Variants in MEF2A observed in about 807,000 individuals in gnomAD.
MEF2A encodes myocyte enhancer factor 2A, also known as myocyte-specific enhancer factor 2A.
In MEF2A, 28 loss-of-function variants were observed where a neutral mutation model predicts 55.8. The observed-to-expected ratio is 0.50, with a 90% CI of 0.37 to 0.69. MEF2A has a LOEUF of 0.69. MEF2A is among the 30% of genes least tolerant of loss of function. The pLI, the probability that MEF2A is intolerant of heterozygous loss-of-function variation, is 0.00. For missense variants in MEF2A, 528 were observed against 626.2 expected (o/e 0.84, Z 1.67); for synonymous variants, 239 against 227.1 (o/e 1.05, Z -0.47).
At chr15:99,603,326 G>C (rs901058972) in intron 2 of MEF2A, among the ~76,000 whole-genome samples, 13 of 150,712 alleles carry the variant, frequency 8.6e-5, no homozygotes, top group African/African-American at 2.7e-4. Context: ...TTGTCAACTT[G>C]TGGAGATTTA....
intron 2 of MEF2A, among the ~76,000 whole-genome samples, chr15:99,603,621 G>A (rs1288575075): frequency 3.3e-5 from 5 of 149,434 alleles, no homozygotes; most frequent in African/African-American, 7.3e-5. Flanking sequence ...GGCTGGTCTC[G>A]AACTGCTGAC....
intron 4 of MEF2A, chr15:99,657,447 A>G (rs1272360964): frequency 6.6e-6 from 1 of 152,114 alleles, no homozygotes; most frequent in Non-Finnish European, 1.5e-5. Flanking sequence ...GAAGACATCT[A>G]AAAACTAGAT....
chr15:99,621,698 C>G (rs530555819), intron 2 of MEF2A, among the ~76,000 whole-genome samples: 1 of 152,272 alleles, frequency 6.6e-6, no homozygotes, highest in South Asian at 2.1e-4. Flanking sequence ...ATGACCATCT[C>G]AAGTTTCGTA....
intron 8 of MEF2A, 102 bp downstream of exon 8, chr15:99,690,530 C>A: frequency 1.1e-6 from 1 of 941,666 alleles, no homozygotes; most frequent in Non-Finnish European, 1.7e-6. Flanking sequence ...GTAGAATCTA[C>A]ACCTATTCCT....
intron 4 of MEF2A, among the ~76,000 whole-genome samples, chr15:99,664,544 A>T (rs2049242019): frequency 6.6e-6 from 1 of 152,216 alleles, no homozygotes; most frequent in South Asian, 2.1e-4. Context: ...GAACAGATAG[A>T]ATGGAGAGAG....
chr15:99,672,859 A>G (rs1178306560), intron 5 of MEF2A, among the ~76,000 whole-genome samples: 1 of 152,198 alleles, frequency 6.6e-6, no homozygotes, highest in Non-Finnish European at 1.5e-5. Context: ...AGGTTTGTGT[A>G]CATGGAACCA....
At chr15:99,623,347 A>G (rs948099090) in intron 2 of MEF2A, among the ~76,000 whole-genome samples, 1 of 152,184 alleles carries the variant, frequency 6.6e-6, no homozygotes, top group African/African-American at 2.4e-5. Flanking sequence ...ACTATTGTGA[A>G]TAATGCTTCT....
chr15:99,597,531 G>A (rs911441517), intron 1 of MEF2A, among the ~76,000 whole-genome samples: 9 of 152,176 alleles, frequency 5.9e-5, no homozygotes, highest in Non-Finnish European at 1.2e-4. Flanking sequence ...CTGTGATCTC[G>A]TGATCTCGCC....
At chr15:99,652,865 G>C (rs377661722) in intron 4 of MEF2A, among the ~76,000 whole-genome samples, 1 of 152,120 alleles carries the variant, frequency 6.6e-6, no homozygotes, top group Non-Finnish European at 1.5e-5. Context: ...GATGTTTGTC[G>C]TACTATGTAC....
chr15:99,700,726 G>A (rs749279249), intron 8 of MEF2A, among the ~76,000 whole-genome samples: 2 of 152,142 alleles, frequency 1.3e-5, no homozygotes, highest in African/African-American at 2.4e-5. Flanking sequence ...GCAGGGAAAC[G>A]GGATGAGCCG....
intron 4 of MEF2A, among the ~76,000 whole-genome samples, chr15:99,668,780 TTGA>T (rs2050298634): frequency 6.6e-6 from 1 of 152,198 alleles, no homozygotes; most frequent in African/African-American, 2.4e-5. Context: ...GGCATTCCAC[TTGA>T]TAATACCAGT....
chr15:99,645,687 G>C lies in MEF2A; in HGVS notation c.181G>C (p.Asp61His), dbSNP rs1193702038. 6 of 1,613,398 alleles carry C rather than the reference G, an allele frequency of 3.7e-6. No individual in the cohort carries two copies. Among genetic ancestry groups the C allele is most frequent in the African/African-American group, 2.7e-5 (2 of 74,894 alleles). The stretch of plus-strand genomic sequence containing the variant: ...CAAACTGTTTCAATATGCTAGCACT[G>C]ATATGGACAAAGTTCTTCTCAAGTA... ...SNKLFQYAST[D>H]MDKVLLKYTE... is the part of the protein sequence containing the mutation. Residue 61 changes from aspartate (D) to histidine (H), a missense_variant, in exon 4 of 12, where the codon GAT becomes CAT. By Grantham distance (81) the Asp-to-His change is moderately conservative (BLOSUM62 -1). Around this residue, in one of 2 missense-constraint regions of MEF2A, gnomAD observed 78 missense variants for 150.9 expected, o/e 0.52. Transcript: ENST00000557942.
intron 2 of MEF2A, among the ~76,000 whole-genome samples, chr15:99,613,813 A>T (rs1180443130): frequency 1.3e-5 from 2 of 152,216 alleles, no homozygotes; most frequent in South Asian, 2.1e-4. Flanking sequence ...ACGTATTGAC[A>T]TGTAGTGGTC....
chr15:99,618,296 T>G (rs1178548592), intron 2 of MEF2A, among the ~76,000 whole-genome samples: 1 of 152,152 alleles, frequency 6.6e-6, no homozygotes, highest in South Asian at 2.1e-4. Flanking sequence ...AATGACTGGC[T>G]TATATTCTTG....
intron 1 of MEF2A, 107 bp downstream of exon 1, chr15:99,566,211 C>A (rs1266674198): frequency 1.2e-4 from 1 of 8,390 alleles, no homozygotes; most frequent in Non-Finnish European, 2.3e-4. Flanking sequence ...GGTGCTGGGG[C>A]GGGGGACGGC....
At chr15:99,567,908 G>C (rs144953610) in intron 1 of MEF2A, among the ~76,000 whole-genome samples, 2 of 152,118 alleles carry the variant, frequency 1.3e-5, no homozygotes, top group African/African-American at 4.8e-5. Context: ...TGATAATGGT[G>C]TTACAATAAT....
intron 8 of MEF2A, among the ~76,000 whole-genome samples, chr15:99,695,763 G>A (rs2056373967): frequency 6.6e-6 from 1 of 151,824 alleles, no homozygotes; most frequent in African/African-American, 2.4e-5. Flanking sequence ...GTAGGCTGAG[G>A]CAGGAGAATC....
In MEF2A at chr15:99,608,343, C is replaced by T. The variant is rs148915365; in HGVS notation, c.-143+9832C>T. ...ATGTTGCATATTTCACTAATAGTAA[C>T]AGGCTGTAAACAGTTTACCCTTAAG... On this transcript the variant is annotated intron_variant, in intron 2 of 11. Transcript: ENST00000557942. 3.0e-3 allele frequency among the ~76,000 whole-genome samples: 458 copies of T among 152,278 alleles called. 4 individuals carry two copies. The highest frequency in any genetic ancestry group is 0.01 in the African/African-American group (428 of 41,554).
intron 4 of MEF2A, among the ~76,000 whole-genome samples, chr15:99,651,274 A>G (rs2046807124): frequency 6.6e-6 from 1 of 152,182 alleles, no homozygotes; most frequent in South Asian, 2.1e-4. Context: ...AAAGAAAGTT[A>G]AATGACCTAT....
Sources: gnomAD v4.1 joint callset for allele counts (sites outside exome capture counted in the v4.1 genomes callset) on GRCh38, gnomAD v4.1.1 for gene constraint, gnomAD v4.1.1 regional missense constraint, MANE v1.5 for transcripts, NCBI Gene and HGNC (gene_info 2026-07-23, HGNC 2026-07-21) for gene names.